The following SEC61A1 variants were observed in gnomAD, a reference collection of about 807,000 sequenced individuals.
SEC61A1 encodes the protein protein transport protein Sec61 subunit alpha isoform 1.
Under a neutral mutation model 55.2 loss-of-function variants are expected in SEC61A1, and 15 were observed. That is an observed-to-expected ratio of 0.27 (90% CI 0.18 to 0.42). The LOEUF (loss-of-function observed/expected upper bound fraction) is 0.42. Ranked by LOEUF, SEC61A1 falls within the 10% of genes least tolerant of loss-of-function variation. The probability of loss-of-function intolerance (pLI) is 1.00; values close to 1 mark genes in which losing one functional copy is unlikely to be tolerated. For missense variants in SEC61A1, 284 were observed against 602.6 expected (o/e 0.47, Z 5.53); for synonymous variants, 247 against 234.0 (o/e 1.06, Z -0.51).
Position 128,066,884 on chromosome 3 carries a change from C to T in SEC61A1, c.778-70C>T, listed in dbSNP as rs998759340. On this transcript the variant is annotated intron_variant, in intron 8 of 11. Coordinates refer to ENST00000243253, the MANE Select transcript of SEC61A1 (RefSeq NM_013336.4). ...TGTGGCCCACTGGACAGTCCCCGGC[C>T]GGGCTGTGTTTCTGTGCAGCAGGCT... 4.4e-5 allele frequency: 66 copies of T among 1,493,636 alleles called. 1 individual carries two copies. The highest frequency in any genetic ancestry group is 7.0e-5 in the South Asian group (6 of 86,110). The allele number at this position is 1,493,636 out of a possible 1,614,324, so 92.5% of individuals were successfully genotyped here. A position where few individuals can be genotyped will look rare whatever the true frequency, so the allele number is the denominator to read the frequency against.
Position 128,069,822 on chromosome 3 carries a change from T to A in SEC61A1, c.*160T>A. ...GTAAAGTGCTAGACATTTTCCAATT[T>A]AAAATTTTGCTTTTTATCCTGGCAC... On this transcript the variant is annotated 3_prime_UTR_variant, in exon 12 of 12. Transcript: ENST00000243253. The A allele has an allele frequency of 1.4e-6, 1 of 711,992 alleles. No individual in the cohort carries two copies. Among genetic ancestry groups the A allele is most frequent in the Non-Finnish European group, 2.2e-6 (1 of 446,212 alleles). 44.1% of individuals were successfully genotyped at this position (711,992 alleles called of 1,614,324 possible).
At chr3:128,064,413 G>T (rs1229201534) in intron 7 of SEC61A1, among the ~76,000 whole-genome samples, 1 of 152,154 alleles carries the variant, frequency 6.6e-6, no homozygotes, top group Non-Finnish European at 1.5e-5. Context: ...GGGTGAGGCG[G>T]GAGGATTGCT....
At chr3:128,069,396 G>A (rs1942085076) in intron 11 of SEC61A1, 80 bp from the exon 12 acceptor site, 65 of 1,363,606 alleles carry the variant, frequency 4.8e-5, no homozygotes, top group Non-Finnish European at 6.6e-5. Context: ...AGGTCCCAAA[G>A]TCTCAGGTGA....
intron 8 of SEC61A1, chr3:128,066,586 C>A (rs1464516882): frequency 4.3e-6 from 1 of 232,836 alleles, no homozygotes; most frequent in African/African-American, 2.3e-5. Context: ...CCACACCCGG[C>A]CAGTTTTGTT....
rs2107640988 is a variant in SEC61A1, at chr3:128,054,596, A to G, written c.76-920A>G. On this transcript the variant is annotated intron_variant, in intron 2 of 11. Transcript: ENST00000243253. ...CTCCAGTTCTGGCCAGAGGGCCAGG[A>G]ATGCTGACTCAGTGCCTGCCTAGAA... Among the ~76,000 whole-genome samples, 2 of 150,496 alleles carry G rather than the reference A, an allele frequency of 1.3e-5. 1 individual carries two copies. The highest frequency in any genetic ancestry group is 4.2e-4 in the South Asian group (2 of 4,724).
upstream of SEC61A1, chr3:128,051,910 G>T (rs762645652): frequency 2.0e-6 from 3 of 1,535,456 alleles, no homozygotes; most frequent in South Asian, 3.6e-5. Context: ...GAGGGTGCTC[G>T]GTAAGCCCCA....
intron 8 of SEC61A1, 107 bp from the exon 9 acceptor site, chr3:128,066,847 G>T: frequency 9.4e-7 from 1 of 1,059,682 alleles, no homozygotes. Flanking sequence ...CAGCACACAG[G>T]ATTTCCTCCC....
rs200986821 is a variant in SEC61A1, at chr3:128,067,076, C to T, written c.900C>T (p.Asn300=). 1.9e-6 allele frequency: 3 copies of T among 1,614,192 alleles called. No homozygotes were observed. The highest frequency in any genetic ancestry group is 1.7e-5 in the Admixed American group (1 of 60,030). The change falls in exon 9 of 12, where the codon AAC becomes AAT. Residue 300 remains asparagine (N), a synonymous_variant. Transcript: ENST00000243253. The surrounding 1 kb of genome is among the most constrained non-coding windows in gnomAD (Gnocchi z 4.1). ...TCCTGCAGTCTGCCCTGGTGTCCAACCTTTATGTCATCTCCCAAATGCTCT... is the reference window on the plus strand; with the variant it reads ...TCCTGCAGTCTGCCCTGGTGTCCAATCTTTATGTCATCTCCCAAATGCTCT... The part of the protein sequence containing the change: ...PIILQSALVS[N]LYVISQMLSA...
chr3:128,069,126 A>T (rs9829877), intron 11 of SEC61A1, among the ~76,000 whole-genome samples: 35,163 of 152,208 alleles, frequency 0.23, 4,133 homozygotes, highest in South Asian at 0.27. Context: ...GTGAAATTAA[A>T]TTTAATATAT....
Position 128,056,692 on chromosome 3 carries a change from T to C in SEC61A1, c.221-17T>C. The C allele has an allele frequency of 6.6e-7, 1 of 1,506,396 alleles. No homozygotes were observed. The highest frequency in any genetic ancestry group is 8.9e-7 in the Non-Finnish European group (1 of 1,122,514). The allele number at this position is 1,506,396 out of a possible 1,614,324, so 93.3% of individuals were successfully genotyped here. ...TCCAAGCTGATATTGACTGTTTTGC[T>C]TCCCCGTTTCCTCAAGGCACATTGA... On this transcript the variant is annotated splice_polypyrimidine_tract_variant and intron_variant, in intron 4 of 11. Coordinates refer to ENST00000243253, the MANE Select transcript of SEC61A1 (RefSeq NM_013336.4).
chr3:128,069,590 C>T lies in SEC61A1; in HGVS notation c.1359C>T (p.Ile453=). The change falls in exon 12 of 12, where the codon ATC becomes ATT. Residue 453 remains isoleucine, a synonymous_variant. Coordinates refer to ENST00000243253, the MANE Select transcript of SEC61A1 (RefSeq NM_013336.4). The stretch of plus-strand genomic sequence containing the variant: ...CCGGGATCCTGCTCGCAGTCACAAT[C>T]ATCTACCAGTACTTTGAGATCTTCG... ...SGTGILLAVT[I]IYQYFEIFVK... 1.9e-6 allele frequency: 3 copies of T among 1,614,174 alleles called. No individual in the cohort carries two copies. The highest frequency in any genetic ancestry group is 1.3e-5 in the African/African-American group (1 of 75,066).
At chr3:128,052,766 G>A in intron 1 of SEC61A1, 69 bp from the exon 2 acceptor site, 6 of 1,535,916 alleles carry the variant, frequency 3.9e-6, no homozygotes, top group South Asian at 1.1e-5. Context: ...GGCAGAAGGC[G>A]TCCCTGGGTA....
chr3:128,064,716 G>T (rs1941909921), intron 7 of SEC61A1, 161 bp from the exon 8 acceptor site: 1 of 618,180 alleles, frequency 1.6e-6, no homozygotes, highest in Admixed American at 3.1e-5. Context: ...AGAAGAGAAG[G>T]GAGGGATGAG....
At chr3:128,056,578 C>T (rs1023062752) in intron 4 of SEC61A1, 131 bp from the exon 5 acceptor site, 2 of 742,114 alleles carry the variant, frequency 2.7e-6, no homozygotes. Context: ...CTAAATTAAA[C>T]ACAGCTAGGA....
rs371960548 is a variant in SEC61A1 at position 128,069,851 on chromosome 3, C to CA, written c.*194dup. ...ATTTTGCTTTTTATCCTGGCACTGG[C>CA]AAAAAGAACTGTGAAAGTGAAATTT... On this transcript the variant is annotated 3_prime_UTR_variant, in exon 12 of 12. Coordinates refer to ENST00000243253, the MANE Select transcript of SEC61A1 (RefSeq NM_013336.4). 589 of 586,042 alleles carry CA rather than the reference C, an allele frequency of 1.0e-3. 4 individuals are homozygous for CA. The highest frequency in any genetic ancestry group is 9.4e-3 in the African/African-American group (501 of 53,458). 36.3% of individuals were successfully genotyped at this position (586,042 alleles called of 1,614,324 possible). A position where few individuals can be genotyped will look rare whatever the true frequency, so the allele number is the denominator to read the frequency against.
intron 8 of SEC61A1, among the ~76,000 whole-genome samples, chr3:128,065,420 G>A (rs1189914605): frequency 1.2e-4 from 18 of 152,088 alleles, no homozygotes; most frequent in Admixed American, 1.0e-3. Flanking sequence ...TCTCGGAAAC[G>A]GCCTATCTTC....
chr3:128,065,384 T>C, intron 8 of SEC61A1: 1 of 556,700 alleles, frequency 1.8e-6, no homozygotes, highest in South Asian at 2.6e-5. Flanking sequence ...AGAAAGTTTG[T>C]ATGATATTTA....
Position 128,056,806 on chromosome 3 carries a change from A to G in SEC61A1, c.318A>G (p.Pro106=). 1.2e-6 allele frequency: 2 copies of G among 1,609,726 alleles called. No homozygotes were observed. Among genetic ancestry groups the G allele is most frequent in the East Asian group, 2.2e-5 (1 of 44,756 alleles). The change falls in exon 5 of 12, where the codon CCA becomes CCG. Residue 106 remains proline (P), a synonymous_variant. Coordinates refer to ENST00000243253, the MANE Select transcript of SEC61A1 (RefSeq NM_013336.4). ...GAKIIEVGDT[P]KDRALFNGAQ... is the part of the protein sequence containing the mutation. The stretch of plus-strand genomic sequence containing the variant: ...AGATAATTGAAGTTGGTGACACCCC[A>G]AAAGACCGAGCTCTCTTCAACGGAG...
intron 5 of SEC61A1, among the ~76,000 whole-genome samples, chr3:128,059,821 T>G (rs1353508063): frequency 6.6e-6 from 1 of 152,208 alleles, no homozygotes; most frequent in Non-Finnish European, 1.5e-5. Context: ...GAACAAATTT[T>G]CCAAGTTTCA....
Sources: allele counts gnomAD v4.1 joint callset (sites outside exome capture counted in the v4.1 genomes callset), GRCh38; gene constraint gnomAD v4.1.1; non-coding constraint Gnocchi (gnomAD v3.1); transcripts MANE v1.5; gene names NCBI Gene and HGNC (gene_info 2026-07-23, HGNC 2026-07-21).